Variants in DET1 observed in about 807,000 individuals in gnomAD.
DET1 encodes the protein DET1 partner of COP1 E3 ubiquitin ligase.
DET1 carries 22 observed loss-of-function variants against 43.7 expected under a neutral mutation model. The ratio of observed to expected loss-of-function variants is 0.50; its 90% CI spans 0.36 to 0.72. DET1 has a LOEUF of 0.72. Among genes scored for constraint, DET1 ranks in the 30% least tolerant of loss-of-function variants. The probability of loss-of-function intolerance (pLI) is 0.00; values close to 1 mark genes in which losing one functional copy is unlikely to be tolerated. For synonymous variants in DET1, 315 were observed against 266.2 expected, an observed-to-expected ratio of 1.18 and a Z score of -1.79; for missense variants, 713 against 713.3, an observed-to-expected ratio of 1.00 and a Z score of 0.00.
intron 1 of DET1, among the ~76,000 whole-genome samples, chr15:88,532,387 C>A (rs944851413): frequency 4.6e-5 from 7 of 152,082 alleles, no homozygotes; most frequent in African/African-American, 1.7e-4. Context: ...TCCATATTAC[C>A]CAAAATAATC....
chr15:88,523,011 T>C (rs1312339154), intron 3 of DET1, among the ~76,000 whole-genome samples: 3 of 151,828 alleles, frequency 2.0e-5, no homozygotes, highest in Non-Finnish European at 2.9e-5. Context: ...CCCCTCCAAG[T>C]AGCTGAGCCG....
At position 88,523,394 on chromosome 15, in the gene DET1, T is replaced by TA. The variant is rs1302942752; in HGVS notation, c.1271+4204dup. Among the ~76,000 whole-genome samples, 13 of 151,754 alleles carry TA rather than the reference T, an allele frequency of 8.6e-5. No homozygotes were observed. In the East Asian group the frequency reaches 1.2e-3, roughly 14 times the overall value. ...TTTAGAACCATGTGTTCACAAGAAT[T>TA]AAAAAAAAATTTCAGCTCCCTCTCA... On this transcript the variant is annotated intron_variant, in intron 3 of 4. Coordinates refer to ENST00000268148, the MANE Select transcript of DET1 (RefSeq NM_001144074.3).
chr15:88,512,520 AAGAT>A lies in DET1; in HGVS notation c.*427_*430del. ...ACCATGGCTTTATTTTTCTCTTAAA[AAGAT>A]AGCCGTGCTTATGAGCTAAATGGAA... On this transcript the variant is annotated 3_prime_UTR_variant, in exon 5 of 5. Coordinates refer to ENST00000268148, the MANE Select transcript of DET1 (RefSeq NM_001144074.3). 2 of 988,398 alleles carry A rather than the reference AAGAT, an allele frequency of 2.0e-6. No homozygotes were observed. The highest frequency in any genetic ancestry group is 9.4e-5 in the South Asian group (2 of 21,338). 61.2% of individuals were successfully genotyped at this position (988,398 alleles called of 1,614,324 possible). A position where few individuals can be genotyped will look rare whatever the true frequency, so the allele number is the denominator to read the frequency against.
Position 88,531,229 on chromosome 15 carries a change from A to C in DET1, c.477T>G (p.Ala159=). 1.9e-6 allele frequency: 3 copies of C among 1,613,968 alleles called. No individual in the cohort carries two copies. Among genetic ancestry groups the C allele is most frequent in the Non-Finnish European group, 2.5e-6 (3 of 1,179,876 alleles). The change falls in exon 2 of 5, where the codon GCT becomes GCG. Residue 159 remains alanine (A), a synonymous_variant. Coordinates refer to ENST00000268148, the MANE Select transcript of DET1 (RefSeq NM_001144074.3). The surrounding 1 kb of genome is among the most constrained non-coding windows in gnomAD (Gnocchi z 6.2). The stretch of plus-strand genomic sequence containing the variant: ...GGTGAGGCTCATCTGGGAGGTAGGC[A>C]GCTGAGCCCACGATGACACAGCGGC... ...DDCRCVIVGS[A]AYLPDEPHPP...
chr15:88,518,798 A>G (rs1163798919), intron 3 of DET1, among the ~76,000 whole-genome samples: 1 of 152,192 alleles, frequency 6.6e-6, no homozygotes, highest in East Asian at 1.9e-4. Flanking sequence ...ACAAAGATTA[A>G]TTAGTTGGGG....
At chr15:88,509,290 A>G (rs970683422), downstream of DET1, among the ~76,000 whole-genome samples, 3 of 152,216 alleles carry the variant, frequency 2.0e-5, no homozygotes, top group Non-Finnish European at 2.9e-5. Flanking sequence ...CACTGAGATT[A>G]TAGGTCTGAG....
At chr15:88,534,645 T>G (rs943002352) in intron 1 of DET1, among the ~76,000 whole-genome samples, 1 of 151,028 alleles carries the variant, frequency 6.6e-6, no homozygotes, top group African/African-American at 2.4e-5. Flanking sequence ...TACTAAAGGC[T>G]TTGAGAACTG....
chr15:88,527,263 T>C (rs556398964), intron 3 of DET1, among the ~76,000 whole-genome samples: 1 of 152,214 alleles, frequency 6.6e-6, no homozygotes, highest in Non-Finnish European at 1.5e-5. Flanking sequence ...GTTCAACATA[T>C]CATGTTTAAC....
chr15:88,519,511 A>G (rs1432376930), intron 3 of DET1, among the ~76,000 whole-genome samples: 2 of 151,734 alleles, frequency 1.3e-5, no homozygotes, highest in African/African-American at 4.8e-5. Flanking sequence ...CCATCTTTCC[A>G]GCTCACTCCC....
At chr15:88,537,619 T>C (rs368296453) in intron 1 of DET1, among the ~76,000 whole-genome samples, 1 of 152,342 alleles carries the variant, frequency 6.6e-6, no homozygotes, top group South Asian at 2.1e-4. Context: ...ATCTTACTTA[T>C]GTTTATGGCC....
chr15:88,522,877 T>C (rs528466205), intron 3 of DET1, among the ~76,000 whole-genome samples: 79 of 141,458 alleles, frequency 5.6e-4, no homozygotes, highest in South Asian at 6.8e-4. Flanking sequence ...TTGTTTTTTT[T>C]TTCTTCTTCT....
downstream of DET1, among the ~76,000 whole-genome samples, chr15:88,508,360 C>G (rs1011556147): frequency 2.6e-5 from 4 of 152,158 alleles, no homozygotes; most frequent in South Asian, 8.3e-4. Context: ...GCATATAACC[C>G]TGAAATTCAC....
chr15:88,535,905 A>G (rs976264989), intron 1 of DET1, among the ~76,000 whole-genome samples: 5 of 152,236 alleles, frequency 3.3e-5, no homozygotes, highest in African/African-American at 7.2e-5. Flanking sequence ...ATAAACTCCA[A>G]TTCAAAAGGT....
intron 3 of DET1, among the ~76,000 whole-genome samples, chr15:88,522,033 C>T (rs537032003): frequency 1.3e-5 from 2 of 152,144 alleles, no homozygotes; most frequent in African/African-American, 4.8e-5. Context: ...ACTCAATGTG[C>T]AGTTGCCAAG....
intron 3 of DET1, among the ~76,000 whole-genome samples, chr15:88,519,158 G>A (rs933779453): frequency 6.6e-6 from 1 of 152,152 alleles, no homozygotes; most frequent in Non-Finnish European, 1.5e-5. Context: ...CAAAGCATCT[G>A]TGATAATCTA....
Position 88,531,183 on chromosome 15 carries a change from G to A in DET1, c.523C>T (p.Arg175Trp), listed in dbSNP as rs752522860. The change falls in exon 2 of 5, where the codon CGG becomes TGG. Residue 175 changes from arginine (R) to tryptophan (W), a missense_variant. Arg to Trp is a moderately radical substitution (Grantham distance 101). Transcript: ENST00000268148. This position sits in a 1 kb window ranked among gnomAD's most constrained non-coding sequence, Gnocchi z 6.2. ...TTGGGGGTCACTGATTCACTGTTCCGATATACCTCAAAAAATGGAGGGTGA... is the reference window on the plus strand; with the variant it reads ...TTGGGGGTCACTGATTCACTGTTCCAATATACCTCAAAAAATGGAGGGTGA... ...EPHPPFFEVY[R>W]NSESVTPNPR... 30 of 1,613,660 alleles carry A rather than the reference G, an allele frequency of 1.9e-5. No homozygotes were observed. Among genetic ancestry groups the A allele is most frequent in the Admixed American group, 3.3e-5 (2 of 59,974 alleles).
downstream of DET1, among the ~76,000 whole-genome samples, chr15:88,508,927 T>C (rs1346803950): frequency 6.6e-6 from 1 of 152,094 alleles, no homozygotes; most frequent in Non-Finnish European, 1.5e-5. Context: ...GATAAAATAA[T>C]TGCAGGAACA....
downstream of DET1, among the ~76,000 whole-genome samples, chr15:88,507,526 G>A (rs1359768896): frequency 1.3e-5 from 2 of 152,184 alleles, no homozygotes; most frequent in Non-Finnish European, 2.9e-5. Flanking sequence ...CCCCTGAGCA[G>A]TCTAAACCAA....
chr15:88,543,038 G>A (rs557310641), intron 1 of DET1, among the ~76,000 whole-genome samples: 1 of 152,284 alleles, frequency 6.6e-6, no homozygotes, highest in African/African-American at 2.4e-5. Flanking sequence ...AGAGGTAATG[G>A]CCCATTGATT....
Sources: gnomAD v4.1 joint callset for allele counts (sites outside exome capture counted in the v4.1 genomes callset) on GRCh38, gnomAD v4.1.1 for gene constraint, Gnocchi (gnomAD v3.1) non-coding constraint, MANE v1.5 for transcripts, NCBI Gene and HGNC (gene_info 2026-07-23, HGNC 2026-07-21) for gene names.